SLC6A18: variants seen among roughly 807,000 people sequenced by gnomAD.
The protein encoded by SLC6A18 is inactive sodium-dependent neutral amino acid transporter B(0)AT3.
A neutral mutation model predicts 62.9 loss-of-function variants in SLC6A18; 58 were observed. That is an observed-to-expected ratio of 0.92 (90% CI 0.75 to 1.15). The LOEUF is 1.15. Among genes scored for constraint, SLC6A18 ranks in the 50% most tolerant of loss-of-function variants. SLC6A18 has a pLI of 0.00. For missense variants in SLC6A18, 793 were observed against 836.6 expected (o/e 0.95, Z 0.64); for synonymous variants, 382 against 365.8 (o/e 1.04, Z -0.51).
At chr5:1,226,749 C>T (rs372726716) in intron 1 of SLC6A18, among the ~76,000 whole-genome samples, 1 of 152,262 alleles carries the variant, frequency 6.6e-6, no homozygotes, top group African/African-American at 2.4e-5. Flanking sequence ...CTGAAAGCAC[C>T]AAAGCCCAAG....
intron 1 of SLC6A18, among the ~76,000 whole-genome samples, chr5:1,228,376 C>T (rs548142692): frequency 9.2e-5 from 14 of 152,282 alleles, no homozygotes; most frequent in South Asian, 6.2e-4. Flanking sequence ...TGCCTTCCTG[C>T]GGGTCTCTCC....
chr5:1,232,035 C>T (rs1227089578), intron 1 of SLC6A18, among the ~76,000 whole-genome samples, 184 bp from the exon 2 acceptor site: 1 of 152,222 alleles, frequency 6.6e-6, no homozygotes, highest in Non-Finnish European at 1.5e-5. Flanking sequence ...GCAACCGAGC[C>T]AAAATCAGAG....
chr5:1,244,700 T>A lies in SLC6A18; in HGVS notation c.1589T>A (p.Ile530Asn). ...WRVVSPLLLT[I>N]FVAYIILLFW... ...GTGGTCAGTCCCCTGCTGCTGACCA[T>A]CTTTGTGGCTTACATCATCCTCCTG... Residue 530 changes from isoleucine to asparagine, a missense_variant, in exon 11 of 12, where the codon ATC (isoleucine) becomes AAC (asparagine). Coordinates refer to ENST00000324642, the MANE Select transcript of SLC6A18 (RefSeq NM_182632.3). The A allele has an allele frequency of 6.2e-7, 1 of 1,613,224 alleles. No homozygotes were observed. Among genetic ancestry groups the A allele is most frequent in the Non-Finnish European group, 8.5e-7 (1 of 1,179,316 alleles).
chr5:1,235,425 C>A, intron 3 of SLC6A18, 56 bp from the exon 4 acceptor site: 2 of 1,566,906 alleles, frequency 1.3e-6, no homozygotes, highest in Non-Finnish European at 1.7e-6. Flanking sequence ...TCAAGAGCCA[C>A]ATGGTGAGGG....
rs1173537442 is a variant in SLC6A18 at position 1,240,570 on chromosome 5, C to T, written c.885C>T (p.Val295=). The T allele has an allele frequency of 3.7e-6, 6 of 1,613,980 alleles. No individual in the cohort carries two copies. Among genetic ancestry groups the T allele is most frequent in the Non-Finnish European group, 5.1e-6 (6 of 1,180,034 alleles). Residue 295 remains valine, a synonymous_variant, in exon 7 of 12, where the codon GTC becomes GTT. Coordinates refer to ENST00000324642, the MANE Select transcript of SLC6A18 (RefSeq NM_182632.3). ...CQKDAVVIAL[V]NRMTSLYASI... ...AGGATGCGGTGGTCATCGCCCTGGTCAACAGGATGACCTCCCTGTACGCGT... is the reference window on the plus strand; with the variant it reads ...AGGATGCGGTGGTCATCGCCCTGGTTAACAGGATGACCTCCCTGTACGCGT...
chr5:1,234,372 A>G (rs1746831017), intron 3 of SLC6A18, among the ~76,000 whole-genome samples: 1 of 152,162 alleles, frequency 6.6e-6, no homozygotes, highest in South Asian at 2.1e-4. Context: ...TGGCTGTGCC[A>G]TCAGCCTCCT....
intron 3 of SLC6A18, among the ~76,000 whole-genome samples, chr5:1,234,281 G>A (rs773808547): frequency 6.6e-5 from 10 of 152,208 alleles, no homozygotes; most frequent in Non-Finnish European, 1.5e-4. Context: ...TGCTGGATGA[G>A]GCTGGCCTCA....
chr5:1,235,383 G>C, intron 3 of SLC6A18, 98 bp from the exon 4 acceptor site: 2 of 1,222,664 alleles, frequency 1.6e-6, no homozygotes, highest in Non-Finnish European at 2.3e-6. Flanking sequence ...GCCCAAAAGG[G>C]CAGTGTTGTG....
chr5:1,240,684 T>A, intron 7 of SLC6A18, 25 bp downstream of exon 7: 1 of 1,611,972 alleles, frequency 6.2e-7, no homozygotes. Flanking sequence ...CGCGCCTGGC[T>A]CTGTGGGGCA....
intron 1 of SLC6A18, among the ~76,000 whole-genome samples, chr5:1,229,924 C>T (rs1192334153): frequency 2.3e-5 from 3 of 132,700 alleles, no homozygotes; most frequent in Admixed American, 7.7e-5. Flanking sequence ...GAAGGGCTCT[C>T]AGGTGCAGGC....
At position 1,242,731 on chromosome 5, in the gene SLC6A18, CT is replaced by C. The variant is rs756639705; in HGVS notation, c.1002del (p.Phe334LeufsTer20). 4 of 1,612,192 alleles carry C rather than the reference CT, an allele frequency of 2.5e-6. No homozygotes were observed. The African/African-American group carries it at 4.0e-5, about 16-fold the overall frequency. On this transcript the variant is annotated frameshift_variant, in exon 8 of 12. Transcript: ENST00000324642. LOFTEE classifies it high-confidence loss of function. Reference sequence around the variant, plus strand: ...GAAACATCCTCAGCCTCATCAACGACTTTGACTTCCCAGAGCAGAGCATCTC... The same window carrying C: ...GAAACATCCTCAGCCTCATCAACGACTTGACTTCCCAGAGCAGAGCATCTC... ...DRNILSLIND[F>X]DFPEQSISRD... is the part of the protein sequence containing the mutation.
chr5:1,226,988 T>C (rs141671923), intron 1 of SLC6A18, among the ~76,000 whole-genome samples: 73 of 141,138 alleles, frequency 5.2e-4, no homozygotes, highest in African/African-American at 1.8e-3. Flanking sequence ...TGCCCACCGA[T>C]GCCTTGCCCA....
chr5:1,235,911 A>G (rs1746872610), intron 4 of SLC6A18, among the ~76,000 whole-genome samples: 1 of 152,236 alleles, frequency 6.6e-6, no homozygotes, highest in South Asian at 2.1e-4. Flanking sequence ...GGGCTATGTT[A>G]ACAGAGTGTA....
At position 1,246,107 on chromosome 5, in the gene SLC6A18, G is replaced by C; in HGVS notation, c.*29G>C. 2 of 1,535,818 alleles carry C rather than the reference G, an allele frequency of 1.3e-6. No homozygotes were observed. The highest frequency in any genetic ancestry group is 1.7e-6 in the Non-Finnish European group (2 of 1,146,684). ...CGGCCGGAGCGGGGCCTGCATGGGCGGGTCTGTGGGGGGGCTTGGCCTGAT... is the reference window on the plus strand; with the variant it reads ...CGGCCGGAGCGGGGCCTGCATGGGCCGGTCTGTGGGGGGGCTTGGCCTGAT... On this transcript the variant is annotated 3_prime_UTR_variant, in exon 12 of 12. Coordinates refer to ENST00000324642, the MANE Select transcript of SLC6A18 (RefSeq NM_182632.3).
intron 11 of SLC6A18, among the ~76,000 whole-genome samples, chr5:1,245,471 T>C (rs1052676847): frequency 2.0e-5 from 3 of 152,148 alleles, no homozygotes; most frequent in Admixed American, 6.5e-5. Flanking sequence ...CCATGTATTT[T>C]TGAAGAATTT....
chr5:1,228,133 T>G (rs1746631289), intron 1 of SLC6A18, among the ~76,000 whole-genome samples: 1 of 152,018 alleles, frequency 6.6e-6, no homozygotes, highest in Non-Finnish European at 1.5e-5. Flanking sequence ...TTTTTTTTAT[T>G]CTTTGAACTT....
rs943389970 is a variant in SLC6A18 at position 1,243,855 on chromosome 5, G to A, written c.1336+96G>A. The A allele has an allele frequency of 2.0e-4, 236 of 1,186,678 alleles. 1 individual carries two copies. Among genetic ancestry groups the A allele is most frequent in the Non-Finnish European group, 2.0e-4 (172 of 861,640 alleles). 73.5% of individuals were successfully genotyped at this position (1,186,678 alleles called of 1,614,324 possible). On this transcript the variant is annotated intron_variant, in intron 9 of 11. Coordinates refer to ENST00000324642, the MANE Select transcript of SLC6A18 (RefSeq NM_182632.3). The surrounding 1 kb of genome is among the most constrained non-coding windows in gnomAD (Gnocchi z 6.5). The stretch of plus-strand genomic sequence containing the variant: ...CAGACGCCCCTCCTGGATGGAGAGC[G>A]CAAGGGGCCAAGCCTGAGTTCAGGG...
At chr5:1,230,686 C>A (rs563432101) in intron 1 of SLC6A18, among the ~76,000 whole-genome samples, 2 of 152,304 alleles carry the variant, frequency 1.3e-5, no homozygotes, top group African/African-American at 4.8e-5. Context: ...GAAGCCGGAC[C>A]CTGCCTGGCA....
intron 6 of SLC6A18, 126 bp downstream of exon 6, chr5:1,239,688 G>A (rs1747003073): frequency 6.9e-6 from 5 of 719,942 alleles, no homozygotes; most frequent in South Asian, 1.7e-5. Context: ...AGAACCTCAC[G>A]CCACAGTCTG....
Sources: allele counts gnomAD v4.1 joint callset (sites outside exome capture counted in the v4.1 genomes callset), GRCh38; gene constraint gnomAD v4.1.1; non-coding constraint Gnocchi (gnomAD v3.1); transcripts MANE v1.5; gene names NCBI Gene and HGNC (gene_info 2026-07-23, HGNC 2026-07-21).